DAB1: variants seen among roughly 807,000 people sequenced by gnomAD.
The protein encoded by DAB1 is DAB adaptor protein 1.
A neutral mutation model predicts 64.6 loss-of-function variants in DAB1; 15 were observed. That is an observed-to-expected ratio of 0.23 (90% CI 0.16 to 0.36). The LOEUF (loss-of-function observed/expected upper bound fraction) is 0.36. Ranked by LOEUF, DAB1 falls within the 10% of genes least tolerant of loss-of-function variation. The pLI, the probability that DAB1 is intolerant of heterozygous loss-of-function variation, is 1.00. For missense variants in DAB1, 596 were observed against 706.7 expected (o/e 0.84, Z 1.78); for synonymous variants, 235 against 251.9 (o/e 0.93, Z 0.64).
chr1:57,501,869 T>C (rs554168936), intron 7 of DAB1, among the ~76,000 whole-genome samples: 8 of 152,114 alleles, frequency 5.3e-5, no homozygotes, highest in Non-Finnish European at 1.2e-4. Flanking sequence ...AACCAACAAC[T>C]ATAAATGATT....
intron 7 of DAB1, among the ~76,000 whole-genome samples, chr1:57,436,504 A>G (rs914984415): frequency 6.6e-6 from 1 of 152,334 alleles, no homozygotes; most frequent in Non-Finnish European, 1.5e-5. Context: ...CTATTCTATG[A>G]TCGCTCACCC....
chr1:57,169,754 C>A (rs546142830), intron 2 of DAB1, among the ~76,000 whole-genome samples: 4 of 152,116 alleles, frequency 2.6e-5, no homozygotes, highest in Non-Finnish European at 5.9e-5. Flanking sequence ...CAGCAAGAAT[C>A]CTTTTAGGTG....
At chr1:57,474,411 T>C (rs1312616110) in intron 7 of DAB1, among the ~76,000 whole-genome samples, 1 of 152,140 alleles carries the variant, frequency 6.6e-6, no homozygotes, top group Non-Finnish European at 1.5e-5. Context: ...GTCTGAAAAA[T>C]AAACCAAATA....
At chr1:58,194,130 A>G (rs998482560) in intron 4 of DAB1, among the ~76,000 whole-genome samples, 1 of 152,226 alleles carries the variant, frequency 6.6e-6, no homozygotes, top group Non-Finnish European at 1.5e-5. Context: ...GGGCATCTGA[A>G]GAAATGTTTT....
chr1:58,146,040 G>A (rs1654573497), intron 5 of DAB1, among the ~76,000 whole-genome samples: 2 of 152,230 alleles, frequency 1.3e-5, no homozygotes, highest in South Asian at 2.1e-4. Flanking sequence ...TCTCTTCCTT[G>A]TAATTTTCTT....
chr1:58,096,413 T>C (rs1650984159), intron 5 of DAB1, among the ~76,000 whole-genome samples: 1 of 152,062 alleles, frequency 6.6e-6, no homozygotes, highest in Non-Finnish European at 1.5e-5. Flanking sequence ...CTAATGAGGG[T>C]GAGATTCAAT....
intron 3 of DAB1, among the ~76,000 whole-genome samples, chr1:58,479,307 T>G (rs551046090): frequency 6.6e-6 from 1 of 152,322 alleles, no homozygotes; most frequent in South Asian, 2.1e-4. Context: ...AAAAAATGAT[T>G]ATATGGAGAA....
intron 4 of DAB1, among the ~76,000 whole-genome samples, chr1:58,156,278 T>C (rs1186460090): frequency 6.6e-6 from 1 of 152,174 alleles, no homozygotes. Context: ...GTGCCTTAAG[T>C]GGAGAAGTGA....
chr1:57,199,483 A>G (rs1233799621), intron 2 of DAB1, among the ~76,000 whole-genome samples: 3 of 152,122 alleles, frequency 2.0e-5, no homozygotes, highest in Admixed American at 6.5e-5. Flanking sequence ...CTGATGGAAA[A>G]CTATCACACT....
chr1:58,293,005 T>C (rs1341518202), intron 4 of DAB1, among the ~76,000 whole-genome samples: 1 of 151,850 alleles, frequency 6.6e-6, no homozygotes, highest in Non-Finnish European at 1.5e-5. Flanking sequence ...GAGGTGAAAT[T>C]GAGGTAGAGT....
intron 5 of DAB1, among the ~76,000 whole-genome samples, chr1:57,942,789 C>T (rs953782914): frequency 6.6e-6 from 1 of 152,132 alleles, no homozygotes; most frequent in African/African-American, 2.4e-5. Context: ...TCTTGGACTG[C>T]CTGCCTGCTC....
intron 5 of DAB1, among the ~76,000 whole-genome samples, chr1:57,988,519 C>T (rs1646277000): frequency 6.6e-6 from 1 of 152,176 alleles, no homozygotes; most frequent in Non-Finnish European, 1.5e-5. Flanking sequence ...GAGAAGACCC[C>T]TCACACTGAG....
chr1:57,616,342 A>G (rs1021972030), intron 7 of DAB1, among the ~76,000 whole-genome samples: 1 of 151,874 alleles, frequency 6.6e-6, no homozygotes, highest in Non-Finnish European at 1.5e-5. Context: ...TTCCTCAGTC[A>G]CTCTCAATGG....
In DAB1 at chr1:57,984,168, C is replaced by G. The variant is rs115959571; in HGVS notation, n.388-100006G>C. Among the ~76,000 whole-genome samples the G allele has an allele frequency of 8.2e-3, 974 of 118,248 alleles. 13 individuals are homozygous for G. The highest frequency in any genetic ancestry group is 0.03 in the African/African-American group (922 of 30,914). 77.6% of individuals were successfully genotyped at this position (118,248 alleles called of 152,430 possible). On this transcript the variant is annotated intron_variant and non_coding_transcript_variant, in intron 5 of 20. Coordinates refer to the DAB1 transcript ENST00000485760. The stretch of plus-strand genomic sequence containing the variant: ...ATAACAGTTGCAGGATTTCAGGGCC[C>G]AGGACTAGCTTAAAAAAAAGAAAGA...
intron 4 of DAB1, among the ~76,000 whole-genome samples, chr1:57,077,269 T>C (rs984264252): frequency 6.6e-5 from 10 of 152,198 alleles, no homozygotes; most frequent in Non-Finnish European, 1.5e-4. Flanking sequence ...GTTTTCTCTC[T>C]CTCCTTCAGG....
intron 7 of DAB1, among the ~76,000 whole-genome samples, chr1:57,588,272 C>T (rs766002853): frequency 1.6e-4 from 25 of 152,230 alleles, no homozygotes; most frequent in Non-Finnish European, 2.9e-4. Flanking sequence ...CCTTAGACAG[C>T]ACCCCCCTAC....
chr1:57,039,181 AT>A (rs1310539641), intron 9 of DAB1, among the ~76,000 whole-genome samples: 19 of 152,204 alleles, frequency 1.2e-4, no homozygotes, highest in Non-Finnish European at 1.8e-4. Flanking sequence ...AATAAAGTTT[AT>A]CATTTAAGCC....
At chr1:57,325,905 G>A (rs1259406119) in intron 1 of DAB1, among the ~76,000 whole-genome samples, 1 of 152,088 alleles carries the variant, frequency 6.6e-6, no homozygotes, top group Non-Finnish European at 1.5e-5. Context: ...TGAGCTCACA[G>A]ACACTCTTTC....
rs185669821 is a variant in DAB1, at chr1:58,365,412, A to G, written n.258-22009T>C. ...TCTGGAGCTGTCAGTTTTAGGCTCC[A>G]CTTCAGATGCAAAGAGCCACTTTAA... On this transcript the variant is annotated intron_variant and non_coding_transcript_variant, in intron 3 of 20. Coordinates refer to the DAB1 transcript ENST00000485760. 9.9e-3 allele frequency among the ~76,000 whole-genome samples: 1,512 copies of G among 152,306 alleles called. 27 individuals are homozygous for G. Among genetic ancestry groups the G allele is most frequent in the African/African-American group, 0.035 (1,472 of 41,554 alleles).
Sources: allele counts gnomAD v4.1 joint callset (sites outside exome capture counted in the v4.1 genomes callset), GRCh38; gene constraint gnomAD v4.1.1; transcripts MANE v1.5; gene names NCBI Gene and HGNC (gene_info 2026-07-23, HGNC 2026-07-21).